The following KAT14 variants were observed in gnomAD, a reference collection of about 807,000 sequenced individuals.
The protein encoded by KAT14 is cysteine-rich protein 2-binding protein.
In KAT14, 66 loss-of-function variants were observed where a neutral mutation model predicts 78.4. The ratio of observed to expected loss-of-function variants is 0.84; its 90% confidence interval spans 0.69 to 1.03. KAT14 has a LOEUF of 1.03. Ranked by LOEUF, KAT14 falls within the 50% of genes least tolerant of loss-of-function variation. The pLI is 0.00. For synonymous variants in KAT14, 344 were observed against 359.4 expected (o/e 0.96, Z 0.48); for missense variants, 870 against 972.5 (o/e 0.89, Z 1.40).
intron 4 of KAT14, among the ~76,000 whole-genome samples, chr20:18,155,105 G>T (rs554524533): frequency 6.6e-6 from 1 of 152,210 alleles, no homozygotes; most frequent in South Asian, 2.1e-4. Context: ...GGCTGGTCTT[G>T]AACTCCTGAC....
intron 5 of KAT14, among the ~76,000 whole-genome samples, chr20:18,160,400 A>T (rs1600226247): frequency 1.3e-5 from 2 of 152,194 alleles, no homozygotes; most frequent in African/African-American, 4.8e-5. Context: ...AGTAAAATGG[A>T]CTCGTACTAT....
chr20:18,151,089 AC>A, intron 4 of KAT14, 147 bp downstream of exon 4: 2 of 1,062,940 alleles, frequency 1.9e-6, no homozygotes, highest in African/African-American at 1.6e-5. Context: ...CAGTGGCATG[AC>A]CATAGCTCAC....
chr20:18,138,329 C>G (rs1324735536), intron 1 of KAT14: 1 of 1,129,928 alleles, frequency 8.9e-7, no homozygotes, highest in Non-Finnish European at 1.1e-6. Flanking sequence ...GGCCTTGCTC[C>G]GCACAGGCAC....
intron 7 of KAT14, among the ~76,000 whole-genome samples, chr20:18,173,023 C>G (rs114611191): frequency 1.6e-4 from 24 of 152,276 alleles, no homozygotes; most frequent in African/African-American, 5.5e-4. Context: ...TATTTCTCTT[C>G]CCCCAGGTGA....
intron 9 of KAT14, among the ~76,000 whole-genome samples, chr20:18,183,838 T>C (rs1308640045): frequency 6.6e-6 from 1 of 152,228 alleles, no homozygotes; most frequent in Non-Finnish European, 1.5e-5. Flanking sequence ...GGAACACATT[T>C]GCATTGCTAA....
intron 7 of KAT14, among the ~76,000 whole-genome samples, chr20:18,173,686 A>T (rs1000327560): frequency 1.3e-5 from 2 of 149,912 alleles, no homozygotes; most frequent in African/African-American, 2.5e-5. Flanking sequence ...AGTCCCTGAC[A>T]TCATTTGTTG....
chr20:18,143,212 T>G (rs1338650849), intron 2 of KAT14: 15 of 1,110,394 alleles, frequency 1.4e-5, no homozygotes, highest in Non-Finnish European at 1.6e-5. Context: ...TCTAACAAGG[T>G]CACAGAGATT....
intron 7 of KAT14, among the ~76,000 whole-genome samples, chr20:18,172,086 C>G (rs1251780510): frequency 6.6e-6 from 1 of 152,006 alleles, no homozygotes; most frequent in African/African-American, 2.4e-5. Flanking sequence ...TTGCACACAA[C>G]AACAATATAG....
At chr20:18,138,847 C>T (rs67583123) in intron 1 of KAT14, among the ~76,000 whole-genome samples, 48,004 of 152,002 alleles carry the variant, frequency 0.32, 7,988 homozygotes, top group Non-Finnish European at 0.34. Context: ...CACTAAGCAC[C>T]TTGGGAATAC....
intron 9 of KAT14, 118 bp from the exon 10 acceptor site, chr20:18,184,484 T>G: frequency 1.2e-6 from 1 of 845,164 alleles, no homozygotes; most frequent in Non-Finnish European, 1.7e-6. Context: ...CCAGTTTTGG[T>G]GTTTTTTTTT....
In KAT14 at chr20:18,187,854, A is replaced by C; in HGVS notation, c.*395A>C. On this transcript the variant is annotated 3_prime_UTR_variant, in exon 11 of 11. Transcript: ENST00000688188. ...CTATTAAAGATTCATGCAGTCCCAA[A>C]AGGCACTGTCCTGGGATGATGAGAG... 4.1e-6 allele frequency: 1 copy of C among 244,268 alleles called. No homozygotes were observed. Among genetic ancestry groups the C allele is most frequent in the African/African-American group, 2.4e-5 (1 of 42,502 alleles). 15.1% of individuals were successfully genotyped at this position (244,268 alleles called of 1,614,324 possible).
At chr20:18,174,990 G>T (rs117215502) in intron 7 of KAT14, among the ~76,000 whole-genome samples, 7,131 of 151,930 alleles carry the variant, frequency 0.047, 230 homozygotes, top group Middle Eastern at 0.099. Context: ...TTATTTATGG[G>T]TCTTGATTTT....
chr20:18,154,814 A>G (rs896555743), intron 4 of KAT14, among the ~76,000 whole-genome samples: 1 of 152,204 alleles, frequency 6.6e-6, no homozygotes, highest in African/African-American at 2.4e-5. Context: ...AAAATTTGCA[A>G]AATTACGTAT....
At chr20:18,174,174 T>G (rs1286864698) in intron 7 of KAT14, among the ~76,000 whole-genome samples, 1 of 152,252 alleles carries the variant, frequency 6.6e-6, no homozygotes, top group Non-Finnish European at 1.5e-5. Flanking sequence ...GGCTTAATAT[T>G]CCATTGTATG....
intron 7 of KAT14, among the ~76,000 whole-genome samples, chr20:18,168,617 T>C (rs1002034258): frequency 6.6e-6 from 1 of 152,140 alleles, no homozygotes; most frequent in Non-Finnish European, 1.5e-5. Context: ...ATTTTCTCTT[T>C]GTTTTTTATC....
intron 7 of KAT14, among the ~76,000 whole-genome samples, chr20:18,173,849 TATACCTTAC>T (rs1400147972): frequency 6.6e-6 from 1 of 152,232 alleles, no homozygotes; most frequent in Non-Finnish European, 1.5e-5. Context: ...ATACAGTTCA[TATACCTTAC>T]AATTCACCTA....
chr20:18,155,254 C>A (rs2038184816), intron 4 of KAT14, among the ~76,000 whole-genome samples: 2 of 152,200 alleles, frequency 1.3e-5, no homozygotes, highest in South Asian at 4.1e-4. Flanking sequence ...GAATGCTATA[C>A]AGTGTAATGA....
In KAT14 at chr20:18,143,615, A is replaced by ATTTTTTTT. The variant is rs201858697; in HGVS notation, c.259+700_259+707dup. On this transcript the variant is annotated intron_variant, in intron 2 of 10. Coordinates refer to ENST00000688188, the MANE Select transcript of KAT14 (RefSeq NM_001392073.1). Reference sequence around the variant, plus strand: ...TAGTGTTTGCCAGCACACCTGGCTAATTTTTTTTTTTATTTTATTTTTTTT... The same window carrying ATTTTTTTT: ...TAGTGTTTGCCAGCACACCTGGCTAATTTTTTTTTTTTTTTTTTTATTTTATTTTTTTT... 2.6e-4 allele frequency among the ~76,000 whole-genome samples: 27 copies of ATTTTTTTT among 103,966 alleles called. 3 individuals are homozygous for ATTTTTTTT. Among genetic ancestry groups the ATTTTTTTT allele is most frequent in the East Asian group, 5.0e-4 (2 of 3,982 alleles). The allele number at this position is 103,966 out of a possible 152,430, so 68.2% of individuals were successfully genotyped here.
chr20:18,150,023 T>A (rs953709871), intron 3 of KAT14, among the ~76,000 whole-genome samples: 1 of 152,156 alleles, frequency 6.6e-6, no homozygotes, highest in African/African-American at 2.4e-5. Flanking sequence ...GAAAAATGTC[T>A]GAAAGGATGG....
Sources: allele counts gnomAD v4.1 joint callset (sites outside exome capture counted in the v4.1 genomes callset), GRCh38; gene constraint gnomAD v4.1.1; transcripts MANE v1.5; gene names NCBI Gene and HGNC (gene_info 2026-07-23, HGNC 2026-07-21).